SSBP2: variants seen among roughly 807,000 people sequenced by gnomAD.
SSBP2 encodes single-stranded DNA-binding protein 2.
Under a neutral mutation model 61.8 loss-of-function variants are expected in SSBP2, and 17 were observed. That is an observed-to-expected ratio of 0.28 (90% CI 0.19 to 0.41). The LOEUF (loss-of-function observed/expected upper bound fraction) is 0.41. SSBP2 is among the 10% of genes least tolerant of loss of function. The probability of loss-of-function intolerance (pLI) is 1.00; values close to 1 mark genes in which losing one functional copy is unlikely to be tolerated. For synonymous variants in SSBP2, 139 were observed against 141.3 expected, an observed-to-expected ratio of 0.98 and a Z score of 0.12; for missense variants, 310 against 458.7, an observed-to-expected ratio of 0.68 and a Z score of 2.96.
chr5:81,645,773 A>T (rs1244819274), intron 2 of SSBP2, among the ~76,000 whole-genome samples: 1 of 152,192 alleles, frequency 6.6e-6, no homozygotes, highest in African/African-American at 2.4e-5. Flanking sequence ...TCTCTAAATA[A>T]TATTCCATTT....
At chr5:81,648,407 C>T (rs1341885529) in intron 2 of SSBP2, among the ~76,000 whole-genome samples, 2 of 152,096 alleles carry the variant, frequency 1.3e-5, no homozygotes, top group African/African-American at 2.4e-5. Flanking sequence ...TCTGGCTAAA[C>T]CTCTAAAATT....
At chr5:81,530,845 G>A (rs1241774158) in intron 4 of SSBP2, among the ~76,000 whole-genome samples, 2 of 151,970 alleles carry the variant, frequency 1.3e-5, no homozygotes, top group Admixed American at 6.6e-5. Flanking sequence ...TAATTTTATG[G>A]TGCCAAAAAC....
intron 1 of SSBP2, among the ~76,000 whole-genome samples, chr5:81,668,978 G>GA (rs1263147394): frequency 1.3e-5 from 2 of 151,890 alleles, no homozygotes; most frequent in Non-Finnish European, 2.9e-5. Flanking sequence ...TTATTCTAAA[G>GA]AAAAAAGTAT....
At chr5:81,510,529 A>C (rs1330984304) in intron 5 of SSBP2, among the ~76,000 whole-genome samples, 1 of 152,126 alleles carries the variant, frequency 6.6e-6, no homozygotes, top group East Asian at 1.9e-4. Context: ...TTGGGAGGCC[A>C]AGGCGGGCAG....
intron 5 of SSBP2, among the ~76,000 whole-genome samples, chr5:81,495,246 T>G (rs1024611487): frequency 7.2e-5 from 11 of 152,342 alleles, no homozygotes; most frequent in African/African-American, 2.6e-4. Context: ...TACCTGAAAT[T>G]ACTGGTGATA....
intron 1 of SSBP2, among the ~76,000 whole-genome samples, chr5:81,745,818 A>G (rs957694918): frequency 2.0e-5 from 3 of 152,090 alleles, no homozygotes; most frequent in African/African-American, 7.2e-5. Context: ...TTTCCCCCAA[A>G]TTTTACTTCT....
At chr5:81,506,949 T>C (rs984149863) in intron 5 of SSBP2, among the ~76,000 whole-genome samples, 4 of 152,160 alleles carry the variant, frequency 2.6e-5, no homozygotes, top group African/African-American at 9.7e-5. Flanking sequence ...CTTTTTGTCC[T>C]TGTTGCTTTA....
rs180688513 is a variant in SSBP2 at position 81,748,083 on chromosome 5, A to G, written c.62+2898T>C. On this transcript the variant is annotated intron_variant, in intron 1 of 16. Transcript: ENST00000320672. ...ATATAGTGACTTCCTAATGAAAGAC[A>G]AAACAAAGATCTAATACAGGTAAGC... Among the ~76,000 whole-genome samples the G allele has an allele frequency of 4.9e-3, 751 of 152,296 alleles. 3 individuals carry two copies. Among genetic ancestry groups the G allele is most frequent in the Middle Eastern group, 0.014 (4 of 292 alleles).
At chr5:81,718,526 T>C (rs890316974) in intron 1 of SSBP2, among the ~76,000 whole-genome samples, 1 of 152,080 alleles carries the variant, frequency 6.6e-6, no homozygotes, top group African/African-American at 2.4e-5. Flanking sequence ...GGAAACCTAA[T>C]GAAAAAAACA....
chr5:81,632,138 T>C (rs932857273), intron 3 of SSBP2, among the ~76,000 whole-genome samples: 1 of 152,238 alleles, frequency 6.6e-6, no homozygotes, highest in African/African-American at 2.4e-5. Context: ...TGCAACACTA[T>C]GTCCTGCTTT....
rs1229201365 is a variant in SSBP2 at position 81,568,659 on chromosome 5, A to T, written c.282+46814T>A. ...TAGCTGTCATTGTACAAATATCACT[A>T]CCATTATAAAAAGAACATAAAGTTT... On this transcript the variant is annotated intron_variant, in intron 4 of 16. Coordinates refer to ENST00000320672, the MANE Select transcript of SSBP2 (RefSeq NM_012446.5). 2.0e-5 allele frequency among the ~76,000 whole-genome samples: 3 copies of T among 152,312 alleles called. No individual in the cohort carries two copies. The East Asian group carries it at 5.8e-4, about 29-fold the overall frequency.
chr5:81,751,332 A>T (rs1581482075), upstream of SSBP2: 2 of 404,036 alleles, frequency 5.0e-6, no homozygotes, highest in Admixed American at 5.2e-5. Flanking sequence ...TCCTCCCTCC[A>T]CCCGCTCTCC....
chr5:81,629,885 T>A (rs1156949614), intron 3 of SSBP2, among the ~76,000 whole-genome samples: 1 of 152,200 alleles, frequency 6.6e-6, no homozygotes, highest in East Asian at 1.9e-4. Flanking sequence ...TCTACTCTCT[T>A]AGCAAATATC....
rs969414286 is a variant in SSBP2 at position 81,420,169 on chromosome 5, T to C, written c.*335A>G. On this transcript the variant is annotated 3_prime_UTR_variant, in exon 17 of 17. Transcript: ENST00000320672. ...TACTTAAGATGTCATGTGATAATATTTTACAATGTCCTGTGGGTCAATGTA... is the reference window on the plus strand; with the variant it reads ...TACTTAAGATGTCATGTGATAATATCTTACAATGTCCTGTGGGTCAATGTA... 1 of 237,972 alleles carries C rather than the reference T, an allele frequency of 4.2e-6. No individual in the cohort carries two copies. 14.7% of individuals were successfully genotyped at this position (237,972 alleles called of 1,614,324 possible).
At chr5:81,740,858 C>T (rs1756969893) in intron 1 of SSBP2, among the ~76,000 whole-genome samples, 1 of 152,170 alleles carries the variant, frequency 6.6e-6, no homozygotes, top group African/African-American at 2.4e-5. Context: ...ACTTTTGGTA[C>T]CTATAATACT....
At chr5:81,494,042 T>C (rs1288397854) in intron 5 of SSBP2, among the ~76,000 whole-genome samples, 1 of 152,196 alleles carries the variant, frequency 6.6e-6, no homozygotes, top group Non-Finnish European at 1.5e-5. Context: ...ACAATTTCTA[T>C]AAAAATTCTT....
At chr5:81,661,429 G>A (rs1346599610) in intron 1 of SSBP2, among the ~76,000 whole-genome samples, 2 of 151,830 alleles carry the variant, frequency 1.3e-5, no homozygotes, top group African/African-American at 4.8e-5. Flanking sequence ...CCTCCGTACT[G>A]TTTTCCATAA....
chr5:81,553,531 A>G lies in SSBP2; in HGVS notation c.283-39814T>C, dbSNP rs1011230697. Among the ~76,000 whole-genome samples, 9 of 152,162 alleles carry G rather than the reference A, an allele frequency of 5.9e-5. 1 individual carries two copies. Among genetic ancestry groups the G allele is most frequent in the Non-Finnish European group, 1.0e-4 (7 of 68,018 alleles). On this transcript the variant is annotated intron_variant, in intron 4 of 16. Transcript: ENST00000320672. ...TATAAAGTTATAGAAATGGCTAGCT[A>G]TTTTCCAGTAATCATATAAAAACTC...
chr5:81,575,389 T>C (rs1293825423), intron 4 of SSBP2, among the ~76,000 whole-genome samples: 2 of 152,122 alleles, frequency 1.3e-5, no homozygotes, highest in Non-Finnish European at 2.9e-5. Context: ...AACATTTAAG[T>C]TGTGGGAGGT....
Sources: gnomAD v4.1 joint callset for allele counts (sites outside exome capture counted in the v4.1 genomes callset) on GRCh38, gnomAD v4.1.1 for gene constraint, MANE v1.5 for transcripts, NCBI Gene and HGNC (gene_info 2026-07-23, HGNC 2026-07-21) for gene names.